KCTD4: variants seen among roughly 807,000 people sequenced by gnomAD.
KCTD4 encodes the protein BTB/POZ domain-containing protein KCTD4.
In KCTD4, 12 loss-of-function variants were observed where a neutral mutation model predicts 18.3. That is an observed-to-expected ratio of 0.66 (90% CI 0.42 to 1.06). The LOEUF (loss-of-function observed/expected upper bound fraction) is 1.06, where lower values mean the gene tolerates loss of function less well. Among genes scored for constraint, KCTD4 ranks in the 50% least tolerant of loss-of-function variants. The pLI, the probability that KCTD4 is intolerant of heterozygous loss-of-function variation, is 0.00. For synonymous variants in KCTD4, 124 were observed against 110.5 expected (o/e 1.12, Z -0.76); for missense variants, 250 against 303.4 (o/e 0.82, Z 1.31).
At chr13:45,196,714 G>C (rs1314637586) in intron 1 of KCTD4, among the ~76,000 whole-genome samples, 1 of 152,180 alleles carries the variant, frequency 6.6e-6, no homozygotes, top group African/African-American at 2.4e-5. Context: ...GATGTGGATA[G>C]ATACTATGTA....
intron 1 of KCTD4, among the ~76,000 whole-genome samples, chr13:45,198,760 G>A (rs1315012047): frequency 6.6e-6 from 1 of 151,388 alleles, no homozygotes; most frequent in Non-Finnish European, 1.5e-5. Context: ...TTCACAAGCT[G>A]AGTTTCTTTT....
chr13:45,194,710 G>A lies in KCTD4; in HGVS notation c.-143C>T, dbSNP rs1008202478. 1.5e-5 allele frequency: 11 copies of A among 721,306 alleles called. No homozygotes were observed. The highest frequency in any genetic ancestry group is 7.8e-5 in the East Asian group (3 of 38,352). 44.7% of individuals were successfully genotyped at this position (721,306 alleles called of 1,614,324 possible). A position where few individuals can be genotyped will look rare whatever the true frequency, so the allele number is the denominator to read the frequency against. ...GCAGCATCGCCTGCGCTGTCAGCTC[G>A]GTTTTGCAGTAGGTGGCGTATCAGC... On this transcript the variant is annotated 5_prime_UTR_variant, in exon 2 of 2. Coordinates refer to ENST00000379108, the MANE Select transcript of KCTD4 (RefSeq NM_198404.3).
Position 45,194,049 on chromosome 13 carries a change from A to T in KCTD4, c.519T>A (p.Val173=), listed in dbSNP as rs138094135. ...DFISKIKSRI[V]LVSKSRLDGF... ...CATCCAGCCTGCTTTTGGACACCAG[A>T]ACAATGCGAGACTTTATTTTTGATA... Residue 173 remains valine (V), a synonymous_variant, in exon 2 of 2, where the codon GTT becomes GTA. Coordinates refer to ENST00000379108, the MANE Select transcript of KCTD4 (RefSeq NM_198404.3). The T allele has an allele frequency of 4.6e-4, 737 of 1,614,050 alleles. 2 individuals are homozygous for T. Among genetic ancestry groups the T allele is most frequent in the Non-Finnish European group, 6.0e-4 (713 of 1,180,018 alleles).
chr13:45,195,146 A>AT (rs1247636793), intron 1 of KCTD4, among the ~76,000 whole-genome samples: 11 of 152,230 alleles, frequency 7.2e-5, no homozygotes, highest in Admixed American at 7.2e-4. Context: ...TGAGACACAA[A>AT]TAAGAATACT....
At chr13:45,198,569 A>G (rs1469821267) in intron 1 of KCTD4, among the ~76,000 whole-genome samples, 1 of 152,182 alleles carries the variant, frequency 6.6e-6, no homozygotes, top group Non-Finnish European at 1.5e-5. Flanking sequence ...TGTCAGCTGC[A>G]TGCTTCTCTG....
Position 45,193,718 on chromosome 13 carries a change from G to T in KCTD4, c.*70C>A. On this transcript the variant is annotated 3_prime_UTR_variant, in exon 2 of 2. Coordinates refer to ENST00000379108, the MANE Select transcript of KCTD4 (RefSeq NM_198404.3). ...GCTAGCTGGGCATGTTATTTGGGATGTCTTTGATGCTGTGGTTTTCCGAAG... is the reference window on the plus strand; with the variant it reads ...GCTAGCTGGGCATGTTATTTGGGATTTCTTTGATGCTGTGGTTTTCCGAAG... The T allele has an allele frequency of 7.1e-7, 1 of 1,412,070 alleles. No homozygotes were observed. Among genetic ancestry groups the T allele is most frequent in the Non-Finnish European group, 9.6e-7 (1 of 1,037,252 alleles). 87.5% of individuals were successfully genotyped at this position (1,412,070 alleles called of 1,614,324 possible). A position where few individuals can be genotyped will look rare whatever the true frequency, so the allele number is the denominator to read the frequency against.
At position 45,194,081 on chromosome 13, in the gene KCTD4, C is replaced by G. The variant is rs780718179; in HGVS notation, c.487G>C (p.Asp163His). ...QGLRIFCNAP[D>H]FISKIKSRIV... ...CGAGACTTTATTTTTGATATGAAAT[C>G]AGGAGCATTACAGAAGATTCTTAAT... Residue 163 changes from aspartate (D) to histidine (H), a missense_variant, in exon 2 of 2, where the codon GAT becomes CAT. Coordinates refer to ENST00000379108, the MANE Select transcript of KCTD4 (RefSeq NM_198404.3). 23 of 1,614,004 alleles carry G rather than the reference C, an allele frequency of 1.4e-5. No homozygotes were observed. The Admixed American group carries it at 2.2e-4, about 15-fold the overall frequency.
At position 45,193,632 on chromosome 13, in the gene KCTD4, A is replaced by G. The variant is rs975386674; in HGVS notation, c.*156T>C. The stretch of plus-strand genomic sequence containing the variant: ...CCCCAGAGGAAGGACATCTTTAGCG[A>G]TAGAATTTACATACCGTTAGCTCAC... On this transcript the variant is annotated 3_prime_UTR_variant, in exon 2 of 2. Coordinates refer to ENST00000379108, the MANE Select transcript of KCTD4 (RefSeq NM_198404.3). 5 of 647,600 alleles carry G rather than the reference A, an allele frequency of 7.7e-6. No individual in the cohort carries two copies. The highest frequency in any genetic ancestry group is 7.3e-5 in the African/African-American group (4 of 54,822). The allele number at this position is 647,600 out of a possible 1,614,324, so 40.1% of individuals were successfully genotyped here.
intron 1 of KCTD4, among the ~76,000 whole-genome samples, chr13:45,197,068 A>G (rs1322111162): frequency 1.3e-5 from 2 of 151,934 alleles, no homozygotes; most frequent in African/African-American, 4.8e-5. Context: ...GTTCTTCTGC[A>G]AAGTTGACAT....
rs1389305568 is a variant in KCTD4 at position 45,194,305 on chromosome 13, T to C, written c.263A>G (p.His88Arg). ...FIDRDGLLFRHVLNFLRNGEL... is the reference protein window; with the variant it reads ...FIDRDGLLFRRVLNFLRNGEL... The stretch of plus-strand genomic sequence containing the variant: ...TCCATTTCGTAGGAAGTTTAGGACA[T>C]GCCTGAAGAGGAGACCATCCCTGTC... The change falls in exon 2 of 2, where the codon CAT (histidine) becomes CGT (arginine). Residue 88 changes from histidine (H) to arginine (R), a missense_variant. Coordinates refer to ENST00000379108, the MANE Select transcript of KCTD4 (RefSeq NM_198404.3). 1 of 1,614,050 alleles carries C rather than the reference T, an allele frequency of 6.2e-7. No homozygotes were observed. The highest frequency in any genetic ancestry group is 8.5e-7 in the Non-Finnish European group (1 of 1,180,022).
chr13:45,194,632 CA>C lies in KCTD4; in HGVS notation c.-66del. ...GAGATTTTTTAAAAAGAGACACTAC[CA>C]CACAAGCACGCCTTTATTCAGCCCC... On this transcript the variant is annotated 5_prime_UTR_variant, in exon 2 of 2. Transcript: ENST00000379108. 7.2e-7 allele frequency: 1 copy of C among 1,383,396 alleles called. No homozygotes were observed. Among genetic ancestry groups the C allele is most frequent in the Non-Finnish European group, 1.0e-6 (1 of 998,626 alleles). The allele number at this position is 1,383,396 out of a possible 1,614,324, so 85.7% of individuals were successfully genotyped here. A position where few individuals can be genotyped will look rare whatever the true frequency, so the allele number is the denominator to read the frequency against.
intron 1 of KCTD4, among the ~76,000 whole-genome samples, chr13:45,200,137 G>A (rs1334736034): frequency 6.6e-6 from 1 of 151,930 alleles, no homozygotes; most frequent in Non-Finnish European, 1.5e-5. Context: ...ACAAATGATA[G>A]CATCTTATAG....
At chr13:45,198,567 G>A (rs914111532) in intron 1 of KCTD4, among the ~76,000 whole-genome samples, 6 of 152,182 alleles carry the variant, frequency 3.9e-5, no homozygotes, top group Non-Finnish European at 8.8e-5. Context: ...GTTGTCAGCT[G>A]CATGCTTCTC....
At chr13:45,195,690 T>G (rs911227606) in intron 1 of KCTD4, among the ~76,000 whole-genome samples, 1 of 152,202 alleles carries the variant, frequency 6.6e-6, no homozygotes, top group African/African-American at 2.4e-5. Context: ...CAATTTAGGG[T>G]TCTGAGGTTT....
intron 1 of KCTD4, among the ~76,000 whole-genome samples, chr13:45,198,955 T>C (rs1873039836): frequency 6.6e-6 from 1 of 152,248 alleles, no homozygotes; most frequent in Non-Finnish European, 1.5e-5. Flanking sequence ...TGTAATTCTT[T>C]TTGAGTGTCC....
At position 45,194,208 on chromosome 13, in the gene KCTD4, C is replaced by T. The variant is rs766239313; in HGVS notation, c.360G>A (p.Lys120=). 6.2e-7 allele frequency: 1 copy of T among 1,614,146 alleles called. No homozygotes were observed. The highest frequency in any genetic ancestry group is 8.5e-7 in the Non-Finnish European group (1 of 1,180,014). Residue 120 remains lysine, a synonymous_variant, in exon 2 of 2, where the codon AAG becomes AAA. Transcript: ENST00000379108. The part of the protein sequence containing the change: ...LAQEAEFFQL[K]GLAEEVKSRW... The stretch of plus-strand genomic sequence containing the variant: ...TGGATTTCACTTCCTCTGCCAGTCC[C>T]TTGAGCTGAAAGAATTCTGCTTCTT...
In KCTD4 at chr13:45,193,556, T is replaced by C. The variant is rs1362297953; in HGVS notation, c.*232A>G. On this transcript the variant is annotated 3_prime_UTR_variant, in exon 2 of 2. Coordinates refer to ENST00000379108, the MANE Select transcript of KCTD4 (RefSeq NM_198404.3). ...GCTTTCAGTCTTTATTTACAGTATA[T>C]AGAAGGTTACTGTTTTCATTTTAGG... is the stretch of plus-strand genomic sequence containing the variant. 2.7e-5 allele frequency: 13 copies of C among 473,614 alleles called. No homozygotes were observed. The highest frequency in any genetic ancestry group is 4.4e-5 in the Non-Finnish European group (12 of 269,906). The allele number at this position is 473,614 out of a possible 1,614,324, so 29.3% of individuals were successfully genotyped here.
In KCTD4 at chr13:45,200,878, G is replaced by A. The variant is rs1873149596; in HGVS notation, c.-242C>T. On this transcript the variant is annotated 5_prime_UTR_variant, in exon 1 of 2. Coordinates refer to ENST00000379108, the MANE Select transcript of KCTD4 (RefSeq NM_198404.3). Reference sequence around the variant, plus strand: ...CTTTTCCCAGAGAGTGTCGACACAGGTGTGATGTAATTAAGAGTCAGGAGA... The same window carrying A: ...CTTTTCCCAGAGAGTGTCGACACAGATGTGATGTAATTAAGAGTCAGGAGA... Among the ~76,000 whole-genome samples, 1 of 152,190 alleles carries A rather than the reference G, an allele frequency of 6.6e-6. No individual in the cohort carries two copies. The highest frequency in any genetic ancestry group is 2.1e-4 in the South Asian group (1 of 4,826).
At chr13:45,200,617 A>G (rs987266930) in intron 1 of KCTD4, among the ~76,000 whole-genome samples, 1 of 152,198 alleles carries the variant, frequency 6.6e-6, no homozygotes, top group African/African-American at 2.4e-5. Flanking sequence ...TCAAATAGAG[A>G]TCAGAATATT....
Sources: gnomAD v4.1 joint callset for allele counts (sites outside exome capture counted in the v4.1 genomes callset) on GRCh38, gnomAD v4.1.1 for gene constraint, MANE v1.5 for transcripts, NCBI Gene and HGNC (gene_info 2026-07-23, HGNC 2026-07-21) for gene names.